Variants in OSBPL10 observed in about 807,000 individuals in gnomAD.
The protein encoded by OSBPL10 is oxysterol-binding protein-related protein 10.
In OSBPL10, 49 loss-of-function variants were observed where a neutral mutation model predicts 81.7. That is an observed-to-expected ratio of 0.60 (90% CI 0.48 to 0.76). OSBPL10 has a LOEUF of 0.76. OSBPL10 is among the 30% of genes least tolerant of loss of function. The pLI, the probability that OSBPL10 is intolerant of heterozygous loss-of-function variation, is 0.00. For synonymous variants in OSBPL10, 419 were observed against 383.6 expected (o/e 1.09, Z -1.08); for missense variants, 923 against 987.8 (o/e 0.93, Z 0.88).
intron 4 of OSBPL10, among the ~76,000 whole-genome samples, chr3:31,827,562 G>C (rs1300505277): frequency 6.6e-6 from 1 of 152,034 alleles, no homozygotes; most frequent in Non-Finnish European, 1.5e-5. Context: ...CATGAATCCG[G>C]GAGGCAGAGC....
chr3:31,951,746 A>C (rs1697875010), intron 1 of OSBPL10, among the ~76,000 whole-genome samples: 1 of 151,298 alleles, frequency 6.6e-6, no homozygotes, highest in Non-Finnish European at 1.5e-5. Context: ...AATTATATGG[A>C]GTATTTATTA....
intron 4 of OSBPL10, among the ~76,000 whole-genome samples, chr3:31,809,525 T>C (rs1345934726): frequency 6.6e-6 from 1 of 152,186 alleles, no homozygotes; most frequent in African/African-American, 2.4e-5. Flanking sequence ...GCACTCCGAA[T>C]AAAAGTGCCA....
intron 4 of OSBPL10, among the ~76,000 whole-genome samples, chr3:31,758,631 G>T (rs1697951893): frequency 6.6e-6 from 1 of 152,200 alleles, no homozygotes; most frequent in Non-Finnish European, 1.5e-5. Flanking sequence ...GTCTATGGAG[G>T]ATGTGCAGTG....
intron 9 of OSBPL10, 67 bp from the exon 10 acceptor site, chr3:31,668,891 C>T (rs1700261436): frequency 2.2e-6 from 3 of 1,351,058 alleles, no homozygotes; most frequent in African/African-American, 1.5e-5. Context: ...CAAAGGTACA[C>T]CCATCTCTAG....
Position 31,855,306 on chromosome 3 carries a change from C to T in OSBPL10, c.537+21127G>A, listed in dbSNP as rs73061432. Among the ~76,000 whole-genome samples the T allele has an allele frequency of 7.7e-3, 1,167 of 152,270 alleles. 4 individuals are homozygous for T. Among genetic ancestry groups the T allele is most frequent in the Non-Finnish European group, 0.011 (768 of 68,026 alleles). On this transcript the variant is annotated intron_variant, in intron 3 of 11. Coordinates refer to ENST00000396556, the MANE Select transcript of OSBPL10 (RefSeq NM_017784.5). ...AAAATGCTGGGATTACAGTTTGAGCCGCCATGCTCGGTGAGTTGTCATGTA... is the reference window on the plus strand; with the variant it reads ...AAAATGCTGGGATTACAGTTTGAGCTGCCATGCTCGGTGAGTTGTCATGTA...
At chr3:31,898,518 G>T (rs1696130290) in intron 1 of OSBPL10, among the ~76,000 whole-genome samples, 1 of 151,740 alleles carries the variant, frequency 6.6e-6, no homozygotes, top group Non-Finnish European at 1.5e-5. Flanking sequence ...GCCAAGGCAG[G>T]AGGATCATTT....
chr3:31,816,790 T>C (rs4955206), intron 4 of OSBPL10, among the ~76,000 whole-genome samples: 111,157 of 152,026 alleles, frequency 0.73, 40,936 homozygotes, highest in East Asian at 0.95. Context: ...GGTGACTCCT[T>C]TCTGTAGGCA....
chr3:31,682,876 C>T (rs9819538), intron 8 of OSBPL10, among the ~76,000 whole-genome samples: 4 of 151,892 alleles, frequency 2.6e-5, no homozygotes, highest in African/African-American at 9.7e-5. Context: ...ATGAAAGGTG[C>T]TCTTATCTCA....
Position 31,837,321 on chromosome 3 carries a change from TTATATATATATATATATATATA to T in OSBPL10, c.538-7112_538-7091del, listed in dbSNP as rs59797512. 6.8e-3 allele frequency among the ~76,000 whole-genome samples: 399 copies of T among 59,054 alleles called. 7 individuals are homozygous for T. The highest frequency in any genetic ancestry group is 4.9e-3 in the Non-Finnish European group (133 of 27,122). The allele number at this position is 59,054 out of a possible 152,430, so 38.7% of individuals were successfully genotyped here. A position where few individuals can be genotyped will look rare whatever the true frequency, so the allele number is the denominator to read the frequency against. On this transcript the variant is annotated intron_variant, in intron 3 of 11. Coordinates refer to ENST00000396556, the MANE Select transcript of OSBPL10 (RefSeq NM_017784.5). Reference sequence around the variant, plus strand: ...ATTCCTAGAATTACAGATCCCCAAATTATATATATATATATATATATATATATATATATATATATATATATAT... The same window carrying T: ...ATTCCTAGAATTACAGATCCCCAAATTATATATATATATATATATATATAT...
intron 8 of OSBPL10, among the ~76,000 whole-genome samples, chr3:31,677,950 G>C (rs577899690): frequency 6.6e-6 from 1 of 150,844 alleles, no homozygotes; most frequent in African/African-American, 2.5e-5. Context: ...GCGCGGTGGC[G>C]GGCGCCTGTA....
intron 2 of OSBPL10, among the ~76,000 whole-genome samples, chr3:32,042,870 G>C (rs920293745): frequency 6.6e-6 from 1 of 152,028 alleles, no homozygotes; most frequent in African/African-American, 2.4e-5. Context: ...TCCTGATAAG[G>C]GTCCAAAGAT....
At chr3:31,752,658 A>T (rs1697755753) in intron 4 of OSBPL10, among the ~76,000 whole-genome samples, 1 of 152,248 alleles carries the variant, frequency 6.6e-6, no homozygotes, top group South Asian at 2.1e-4. Context: ...TGCAAAGATC[A>T]AAAACCAATG....
At chr3:32,059,506 G>A (rs558119472) in intron 1 of OSBPL10, among the ~76,000 whole-genome samples, 60 of 151,902 alleles carry the variant, frequency 3.9e-4, no homozygotes, top group African/African-American at 1.3e-3. Context: ...CAGGAGAATC[G>A]CTTGAACCCG....
At chr3:31,854,966 G>C (rs1056927038) in intron 3 of OSBPL10, among the ~76,000 whole-genome samples, 4 of 151,990 alleles carry the variant, frequency 2.6e-5, no homozygotes, top group South Asian at 2.1e-4. Flanking sequence ...TGTAAAATCA[G>C]ATCTAGTTTA....
intron 3 of OSBPL10, among the ~76,000 whole-genome samples, chr3:31,857,502 G>A (rs377032177): frequency 5.9e-5 from 9 of 151,598 alleles, no homozygotes; most frequent in African/African-American, 2.2e-4. Flanking sequence ...AAGATAAAAC[G>A]ACCAACTCAA....
chr3:31,990,459 CA>C (rs1403140738), intron 2 of OSBPL10: 4 of 1,568,860 alleles, frequency 2.5e-6, no homozygotes, highest in Non-Finnish European at 1.7e-6. Context: ...ATGAGTGTGG[CA>C]AGACCTTCCA....
chr3:31,705,226 A>C (rs1165438891), intron 6 of OSBPL10, among the ~76,000 whole-genome samples: 6 of 152,168 alleles, frequency 3.9e-5, no homozygotes, highest in Non-Finnish European at 4.4e-5. Flanking sequence ...TTTCTCTCCC[A>C]ATGTGATTTG....
chr3:31,902,507 C>A (rs1696277483), intron 1 of OSBPL10, among the ~76,000 whole-genome samples: 1 of 152,082 alleles, frequency 6.6e-6, no homozygotes, highest in African/African-American at 2.4e-5. Context: ...AGGCAATCCA[C>A]CTGCCTCAGC....
chr3:31,687,699 G>A (rs1346336169), intron 7 of OSBPL10, among the ~76,000 whole-genome samples: 1 of 151,998 alleles, frequency 6.6e-6, no homozygotes, highest in African/African-American at 2.4e-5. Flanking sequence ...TCTGCTTCTG[G>A]TTAACAAGAA....
Sources: gnomAD v4.1 joint callset for allele counts (sites outside exome capture counted in the v4.1 genomes callset) on GRCh38, gnomAD v4.1.1 for gene constraint, MANE v1.5 for transcripts, NCBI Gene and HGNC (gene_info 2026-07-23, HGNC 2026-07-21) for gene names.